Variants in ATP8A2 observed in about 807,000 individuals in gnomAD.
ATP8A2 encodes phospholipid-transporting ATPase IB.
In ATP8A2, 100 loss-of-function variants were observed where a neutral mutation model predicts 165.6. The ratio of observed to expected loss-of-function variants is 0.60; its 90% CI spans 0.51 to 0.71. The LOEUF (loss-of-function observed/expected upper bound fraction) is 0.71, where lower values mean the gene tolerates loss of function less well. Among genes scored for constraint, ATP8A2 ranks in the 30% least tolerant of loss-of-function variants. The pLI, the probability that ATP8A2 is intolerant of heterozygous loss-of-function variation, is 0.00. For missense variants in ATP8A2, 1,227 were observed against 1,479.5 expected (o/e 0.83, Z 2.80); for synonymous variants, 543 against 548.8 (o/e 0.99, Z 0.15).
intron 25 of ATP8A2, among the ~76,000 whole-genome samples, chr13:25,737,886 G>A (rs112892621): frequency 0.017 from 2,579 of 152,180 alleles, 34 homozygotes; most frequent in Non-Finnish European, 0.029. Context: ...GGGTTTCACC[G>A]TGTTAGCCAG....
At chr13:25,507,176 TATCTC>T (rs2037070888) in intron 2 of ATP8A2, among the ~76,000 whole-genome samples, 1 of 151,328 alleles carries the variant, frequency 6.6e-6, no homozygotes, top group African/African-American at 2.4e-5. Flanking sequence ...TGAAGAGTGA[TATCTC>T]AGTAAAGTGG....
At chr13:25,794,335 C>G (rs1468101216) in intron 27 of ATP8A2, among the ~76,000 whole-genome samples, 1 of 152,152 alleles carries the variant, frequency 6.6e-6, no homozygotes. Flanking sequence ...TATTACTTAG[C>G]AACAAAAAGG....
chr13:25,826,052 T>TAGTGCATTGTAC (rs1480985633), intron 27 of ATP8A2, among the ~76,000 whole-genome samples: 2 of 152,148 alleles, frequency 1.3e-5, no homozygotes, highest in African/African-American at 2.4e-5. Flanking sequence ...ATATAATTAA[T>TAGTGCATTGTAC]AGTGCATTGT....
chr13:25,824,709 A>AT (rs948375865), intron 27 of ATP8A2, among the ~76,000 whole-genome samples: 47 of 151,538 alleles, frequency 3.1e-4, no homozygotes, highest in African/African-American at 1.1e-3. Context: ...ATGATTCTGC[A>AT]TTTTTTTTCT....
At chr13:25,453,310 A>G (rs1475776840) in intron 1 of ATP8A2, among the ~76,000 whole-genome samples, 1 of 151,634 alleles carries the variant, frequency 6.6e-6, no homozygotes, top group Non-Finnish European at 1.5e-5. Flanking sequence ...TATTTTTAGT[A>G]AAGAGGGGTT....
intron 24 of ATP8A2, among the ~76,000 whole-genome samples, chr13:25,644,475 G>C (rs960453340): frequency 2.0e-5 from 3 of 150,972 alleles, no homozygotes; most frequent in Non-Finnish European, 2.9e-5. Context: ...GTATTATTGA[G>C]GATTTTTGCA....
chr13:25,878,755 C>G (rs1267577114), intron 33 of ATP8A2, among the ~76,000 whole-genome samples: 1 of 152,078 alleles, frequency 6.6e-6, no homozygotes, highest in African/African-American at 2.4e-5. Flanking sequence ...GTACCTCAGG[C>G]TCTCAACTCT....
intron 22 of ATP8A2, among the ~76,000 whole-genome samples, chr13:25,580,782 C>G (rs2039754019): frequency 6.6e-6 from 1 of 152,164 alleles, no homozygotes; most frequent in Admixed American, 6.5e-5. Context: ...AGTCCTCATG[C>G]CTTGGCTTCC....
chr13:25,799,953 A>T (rs903186999), intron 27 of ATP8A2, among the ~76,000 whole-genome samples: 6 of 152,258 alleles, frequency 3.9e-5, no homozygotes, highest in Non-Finnish European at 8.8e-5. Flanking sequence ...AAGGTGAATG[A>T]AACCTTTGCT....
In ATP8A2 at chr13:25,586,907, G is replaced by A. The variant is rs560362649; in HGVS notation, c.2147-2728G>A. 7.9e-4 allele frequency among the ~76,000 whole-genome samples: 120 copies of A among 152,220 alleles called. 1 individual carries two copies. The highest frequency in any genetic ancestry group is 2.6e-3 in the African/African-American group (106 of 41,536). On this transcript the variant is annotated intron_variant, in intron 23 of 36. Coordinates refer to ENST00000381655, the MANE Select transcript of ATP8A2 (RefSeq NM_016529.6). ...TCTTGTATTAAAATCAAGTCCTGCC[G>A]TAAGTACCATAGACTATATAATATT...
At chr13:25,439,202 C>T (rs77121024) in intron 1 of ATP8A2, among the ~76,000 whole-genome samples, 3 of 152,256 alleles carry the variant, frequency 2.0e-5, no homozygotes, top group East Asian at 1.9e-4. Context: ...AAGGGCAGTT[C>T]GGGGTAATTC....
chr13:25,689,902 A>G (rs2042686211), intron 24 of ATP8A2, among the ~76,000 whole-genome samples: 1 of 152,234 alleles, frequency 6.6e-6, no homozygotes, highest in Non-Finnish European at 1.5e-5. Flanking sequence ...GGAGAATTCC[A>G]TGTTTTAAAA....
chr13:25,706,831 T>C (rs1442264017), intron 25 of ATP8A2, among the ~76,000 whole-genome samples: 1 of 152,184 alleles, frequency 6.6e-6, no homozygotes, highest in African/African-American at 2.4e-5. Context: ...TGCCCATTTG[T>C]TGATTGCATG....
intron 33 of ATP8A2, among the ~76,000 whole-genome samples, chr13:25,951,663 T>G (rs1364135347): frequency 6.6e-6 from 1 of 152,184 alleles, no homozygotes; most frequent in Non-Finnish European, 1.5e-5. Context: ...TCCTGGGGGA[T>G]GTATATGCTT....
intron 2 of ATP8A2, among the ~76,000 whole-genome samples, chr13:25,511,162 A>G (rs913856119): frequency 6.6e-6 from 1 of 152,194 alleles, no homozygotes; most frequent in Non-Finnish European, 1.5e-5. Context: ...GTAGTGAGGC[A>G]GTGTATCATG....
intron 1 of ATP8A2, among the ~76,000 whole-genome samples, chr13:25,435,122 CT>C (rs563922531): frequency 0.019 from 2,597 of 136,422 alleles, 54 homozygotes; most frequent in African/African-American, 0.053. Flanking sequence ...CATAGGAAAT[CT>C]TTTTTTTTTT....
rs1593734028 is a variant in ATP8A2, at chr13:26,024,160, A to G, written c.*4175A>G. On this transcript the variant is annotated 3_prime_UTR_variant, in exon 37 of 37. Coordinates refer to ENST00000381655, the MANE Select transcript of ATP8A2 (RefSeq NM_016529.6). ...ATAGCCTTCGGGGAGATTTAACCTC[A>G]TTCTAGCCATTTTTCCATCCTGAAG... 6.6e-6 allele frequency: 1 copy of G among 152,290 alleles called. No homozygotes were observed. The highest frequency in any genetic ancestry group is 2.4e-5 in the African/African-American group (1 of 41,554). The allele number at this position is 152,290 out of a possible 1,614,324, so 9.4% of individuals were successfully genotyped here. A position where few individuals can be genotyped will look rare whatever the true frequency, so the allele number is the denominator to read the frequency against.
intron 24 of ATP8A2, among the ~76,000 whole-genome samples, chr13:25,594,040 A>T (rs906102504): frequency 1.3e-5 from 2 of 152,246 alleles, no homozygotes; most frequent in African/African-American, 4.8e-5. Flanking sequence ...ATTATAATTA[A>T]CCATAAACTT....
Position 25,937,365 on chromosome 13 carries a change from T to TC in ATP8A2, c.3184-24210_3184-24209insC, listed in dbSNP as rs71080214. Among the ~76,000 whole-genome samples the TC allele has an allele frequency of 1.1e-3, 134 of 118,740 alleles. 9 individuals are homozygous for TC. The highest frequency in any genetic ancestry group is 1.4e-3 in the African/African-American group (42 of 31,020). 77.9% of individuals were successfully genotyped at this position (118,740 alleles called of 152,430 possible). On this transcript the variant is annotated intron_variant, in intron 33 of 36. Coordinates refer to ENST00000381655, the MANE Select transcript of ATP8A2 (RefSeq NM_016529.6). ...TTTGTCTTTCTATTCTTTCTTTCTT[T>TC]TTTTTTTTTTTTTTGAACAGCCCAA...
Sources: gnomAD v4.1 joint callset for allele counts (sites outside exome capture counted in the v4.1 genomes callset) on GRCh38, gnomAD v4.1.1 for gene constraint, MANE v1.5 for transcripts, NCBI Gene and HGNC (gene_info 2026-07-23, HGNC 2026-07-21) for gene names.